Variants in PLXNC1 observed in about 807,000 individuals in gnomAD.
The protein encoded by PLXNC1 is plexin C1.
A neutral mutation model predicts 178.2 loss-of-function variants in PLXNC1; 75 were observed. The ratio of observed to expected loss-of-function variants is 0.42; its 90% confidence interval spans 0.35 to 0.51. PLXNC1 has a LOEUF of 0.51. Ranked by LOEUF, PLXNC1 falls within the 20% of genes least tolerant of loss-of-function variation. The pLI is 0.02. For missense variants in PLXNC1, 1,503 were observed against 1,984.4 expected (o/e 0.76, Z 4.61); for synonymous variants, 790 against 779.9 (o/e 1.01, Z -0.22).
rs1964972706 is a variant in PLXNC1, at chr12:94,260,840, GGTAA to G, written c.3450+3_3450+6del. 1 of 1,613,740 alleles carries G rather than the reference GGTAA, an allele frequency of 6.2e-7. No homozygotes were observed. The highest frequency in any genetic ancestry group is 8.5e-7 in the Non-Finnish European group (1 of 1,179,816). ...CCGTCTGCCTTTCTGGATTTCTCCG[GGTAA>G]GTGTCACATCCCTCAGCAATGTCAG... is the stretch of plus-strand genomic sequence containing the variant. On this transcript the variant is annotated splice_donor_variant and splice_donor_region_variant and intron_variant, in intron 20 of 30. Transcript: ENST00000258526. LOFTEE classifies it high-confidence loss of function. The surrounding 1 kb of genome is among the most constrained non-coding windows in gnomAD (Gnocchi z 4.4).
At chr12:94,195,417 G>A (rs1226651544) in intron 4 of PLXNC1, among the ~76,000 whole-genome samples, 6 of 152,044 alleles carry the variant, frequency 3.9e-5, no homozygotes, top group African/African-American at 1.5e-4. Context: ...CATCCATGGG[G>A]CCCCACTTGC....
intron 2 of PLXNC1, among the ~76,000 whole-genome samples, chr12:94,170,228 G>C (rs1333600780): frequency 1.3e-5 from 2 of 152,130 alleles, no homozygotes; most frequent in African/African-American, 4.8e-5. Flanking sequence ...ACCTCTCTGA[G>C]CCTTCATTTC....
chr12:94,289,003 T>C (rs900953283), intron 23 of PLXNC1, among the ~76,000 whole-genome samples: 1 of 152,230 alleles, frequency 6.6e-6, no homozygotes, highest in African/African-American at 2.4e-5. Flanking sequence ...AGCATTTCTC[T>C]TAGGTGGAGC....
At chr12:94,180,392 C>T (rs151208317) in intron 2 of PLXNC1, among the ~76,000 whole-genome samples, 19 of 152,298 alleles carry the variant, frequency 1.2e-4, no homozygotes, top group African/African-American at 4.3e-4. Flanking sequence ...AACATATATT[C>T]TCTTAACCCC....
chr12:94,240,324 A>T (rs995532701), intron 10 of PLXNC1, among the ~76,000 whole-genome samples, 161 bp from the exon 11 acceptor site: 1 of 152,164 alleles, frequency 6.6e-6, no homozygotes, highest in Non-Finnish European at 1.5e-5. Flanking sequence ...AATAATACCA[A>T]CTTGGGTCAC....
intron 9 of PLXNC1, among the ~76,000 whole-genome samples, chr12:94,235,945 A>T (rs902778301): frequency 4.6e-5 from 7 of 152,238 alleles, no homozygotes; most frequent in Middle Eastern, 3.4e-3. Flanking sequence ...TGCTCAATAA[A>T]CACTTGTTCT....
intron 22 of PLXNC1, chr12:94,279,871 TTTG>T (rs1428789307): frequency 5.9e-6 from 4 of 683,512 alleles, no homozygotes; most frequent in African/African-American, 3.5e-5. Flanking sequence ...AAAGATGGCG[TTTG>T]TTGTTGTTGT....
At chr12:94,253,722 T>G (rs918477944) in intron 15 of PLXNC1, among the ~76,000 whole-genome samples, 1 of 151,798 alleles carries the variant, frequency 6.6e-6, no homozygotes, top group Admixed American at 6.6e-5. Flanking sequence ...TTGCCCAGGC[T>G]GAGTGCAGTG....
chr12:94,222,180 A>G (rs1050436988), intron 6 of PLXNC1, among the ~76,000 whole-genome samples: 14 of 152,276 alleles, frequency 9.2e-5, no homozygotes, highest in Middle Eastern at 3.4e-3. Context: ...CTCACCTATA[A>G]AATATGCCTC....
At chr12:94,250,729 A>G (rs1964660512) in intron 14 of PLXNC1, among the ~76,000 whole-genome samples, 1 of 152,206 alleles carries the variant, frequency 6.6e-6, no homozygotes, top group African/African-American at 2.4e-5. Flanking sequence ...GTTTTATTCA[A>G]AATAGGATGC....
chr12:94,200,806 G>A (rs937493137), intron 4 of PLXNC1, among the ~76,000 whole-genome samples: 5 of 152,172 alleles, frequency 3.3e-5, no homozygotes, highest in African/African-American at 1.2e-4. Context: ...ACCACATGGA[G>A]CAAAGGCCAC....
intron 17 of PLXNC1, among the ~76,000 whole-genome samples, chr12:94,257,733 C>G (rs890666319): frequency 4.6e-5 from 7 of 151,744 alleles, no homozygotes; most frequent in East Asian, 1.9e-4. Flanking sequence ...AGTGAAACCC[C>G]GTCTCTACTA....
At chr12:94,153,241 C>T (rs1961025454) in intron 1 of PLXNC1, among the ~76,000 whole-genome samples, 1 of 152,198 alleles carries the variant, frequency 6.6e-6, no homozygotes, top group Non-Finnish European at 1.5e-5. Context: ...CTCTACTCTT[C>T]CCACCACCCC....
At position 94,302,602 on chromosome 12, in the gene PLXNC1, T is replaced by A. The variant is rs116958152; in HGVS notation, c.4387-1154T>A. On this transcript the variant is annotated intron_variant, in intron 28 of 30. Coordinates refer to ENST00000258526, the MANE Select transcript of PLXNC1 (RefSeq NM_005761.3). ...AATTATGTTCTTGACACACTTCACT[T>A]AATCCTCACAAGTACCAAATAAGGT... Among the ~76,000 whole-genome samples, 1,283 of 152,310 alleles carry A rather than the reference T, an allele frequency of 8.4e-3. 6 individuals are homozygous for A. Among genetic ancestry groups the A allele is most frequent in the Middle Eastern group, 0.017 (5 of 294 alleles).
At position 94,182,883 on chromosome 12, in the gene PLXNC1, CTATCTAT is replaced by C. The variant is rs1172239258; in HGVS notation, c.1338+1304_1338+1310del. Among the ~76,000 whole-genome samples the C allele has an allele frequency of 4.0e-3, 586 of 146,156 alleles. 1 individual carries two copies. Among genetic ancestry groups the C allele is most frequent in the African/African-American group, 0.014 (569 of 39,638 alleles). ...TGTATCTATCTATCTATCTATCTAT[CTATCTAT>C]CTATCTATCTATCTATCATCTATCT... is the stretch of plus-strand genomic sequence containing the variant. On this transcript the variant is annotated intron_variant, in intron 3 of 30. Transcript: ENST00000258526.
rs370400313 is a variant in PLXNC1, at chr12:94,275,389, C to A, written c.3598-4083C>A. Among the ~76,000 whole-genome samples, 280 of 152,246 alleles carry A rather than the reference C, an allele frequency of 1.8e-3. 1 individual carries two copies. The highest frequency in any genetic ancestry group is 6.4e-3 in the African/African-American group (265 of 41,550). ...GATGGCGCTTCCATCGAGGTGTCTC[C>A]CCCGATGGGGTACAGTGGCTGAGGG... On this transcript the variant is annotated intron_variant, in intron 21 of 30. Coordinates refer to ENST00000258526, the MANE Select transcript of PLXNC1 (RefSeq NM_005761.3).
At chr12:94,254,677 A>G in intron 15 of PLXNC1, 110 bp from the exon 16 acceptor site, 1 of 726,872 alleles carries the variant, frequency 1.4e-6, no homozygotes, top group Non-Finnish European at 2.4e-6. Flanking sequence ...CTCTGTCCCT[A>G]TCTGTTTTGT....
At position 94,277,470 on chromosome 12, in the gene PLXNC1, A is replaced by G. The variant is rs887879172; in HGVS notation, c.3598-2002A>G. On this transcript the variant is annotated intron_variant, in intron 21 of 30. Transcript: ENST00000258526. ...AGTGGTCCATAAGTCACGGGCTCAC[A>G]TGCCAGATGCTGTTCTAAGAACTGT... 7.2e-5 allele frequency among the ~76,000 whole-genome samples: 11 copies of G among 152,218 alleles called. No individual in the cohort carries two copies. In the East Asian group the frequency reaches 1.7e-3, roughly 24 times the overall value.
chr12:94,164,544 G>T (rs1387157948), intron 1 of PLXNC1, among the ~76,000 whole-genome samples: 1 of 152,140 alleles, frequency 6.6e-6, no homozygotes, highest in Non-Finnish European at 1.5e-5. Flanking sequence ...TGCATGACTG[G>T]CACCCCCTGC....
Sources: gnomAD v4.1 joint callset for allele counts (sites outside exome capture counted in the v4.1 genomes callset) on GRCh38, gnomAD v4.1.1 for gene constraint, Gnocchi (gnomAD v3.1) non-coding constraint, MANE v1.5 for transcripts, NCBI Gene and HGNC (gene_info 2026-07-23, HGNC 2026-07-21) for gene names.